Variants in USH2A observed in about 807,000 individuals in gnomAD.
USH2A encodes the protein usherin, also known as Usher syndrome 2A (autosomal recessive, mild).
Under a neutral mutation model 538.9 loss-of-function variants are expected in USH2A, and 443 were observed. The observed-to-expected ratio is 0.82, with a 90% CI of 0.76 to 0.89. USH2A has a LOEUF of 0.89. Ranked by LOEUF, USH2A falls within the 40% of genes least tolerant of loss-of-function variation. The pLI, the probability that USH2A is intolerant of heterozygous loss-of-function variation, is 0.00. For missense variants in USH2A, 6,633 were observed against 6,324.8 expected (o/e 1.05, Z -1.65); for synonymous variants, 2,413 against 2,273.5 (o/e 1.06, Z -1.75).
At chr1:215,825,590 A>G (rs1422857129) in intron 47 of USH2A, among the ~76,000 whole-genome samples, 1 of 152,164 alleles carries the variant, frequency 6.6e-6, no homozygotes, top group Non-Finnish European at 1.5e-5. Flanking sequence ...CATACACTCT[A>G]AGATATTAAC....
In USH2A at chr1:215,813,821, A is replaced by G. The variant is rs2102793137; in HGVS notation, c.9654T>C (p.Ser3218=). The change falls in exon 49 of 72, where the codon TCT becomes TCC. Residue 3218 remains serine, a synonymous_variant. Coordinates refer to ENST00000307340, the MANE Select transcript of USH2A (RefSeq NM_206933.4). Reference sequence around the variant, plus strand: ...TTCGGCCACCACAACAAACTCCAGTAGAATTCAGAACAAACGGGATATACT... The same window carrying G: ...TTCGGCCACCACAACAAACTCCAGTGGAATTCAGAACAAACGGGATATACT... ...EEKYIPFVLN[S]TGVCCGGRIQ... The G allele has an allele frequency of 3.7e-6, 6 of 1,613,972 alleles. No homozygotes were observed. The highest frequency in any genetic ancestry group is 5.1e-6 in the Non-Finnish European group (6 of 1,179,882).
intron 3 of USH2A, among the ~76,000 whole-genome samples, chr1:216,413,412 A>G (rs146409412): frequency 9.9e-5 from 15 of 152,202 alleles, no homozygotes; most frequent in African/African-American, 3.6e-4. Flanking sequence ...ACACCTTTAT[A>G]AAGTGTGCAC....
chr1:216,399,415 AG>A (rs1364404903), intron 3 of USH2A, among the ~76,000 whole-genome samples: 8 of 152,272 alleles, frequency 5.3e-5, no homozygotes, highest in Admixed American at 3.3e-4. Context: ...CAGTGGTATT[AG>A]TGAGACTGTG....
intron 30 of USH2A, among the ~76,000 whole-genome samples, chr1:216,056,388 T>C (rs2030974463): frequency 1.3e-5 from 2 of 152,156 alleles, no homozygotes; most frequent in African/African-American, 2.4e-5. Flanking sequence ...AAGCCTCTGA[T>C]ATTGTTATTC....
chr1:215,942,723 T>C (rs17025676), intron 37 of USH2A, among the ~76,000 whole-genome samples: 4,876 of 152,210 alleles, frequency 0.032, 122 homozygotes, highest in South Asian at 0.084. Flanking sequence ...GATGGTAAAT[T>C]CCTTCTTAGT....
At chr1:216,051,870 T>C (rs1558232635) in intron 30 of USH2A, among the ~76,000 whole-genome samples, 1 of 152,232 alleles carries the variant, frequency 6.6e-6, no homozygotes, top group Non-Finnish European at 1.5e-5. Context: ...AAATTCCTTA[T>C]ACTAAGACAT....
intron 21 of USH2A, among the ~76,000 whole-genome samples, chr1:216,149,889 A>C (rs926236106): frequency 2.6e-5 from 4 of 152,146 alleles, no homozygotes; most frequent in African/African-American, 9.7e-5. Flanking sequence ...CCATTCCAGA[A>C]TAAAGCTGTG....
rs755610101 is a variant in USH2A at position 216,370,137 on chromosome 1, T to C, written c.652-5052A>G. Among the ~76,000 whole-genome samples, 4 of 152,028 alleles carry C rather than the reference T, an allele frequency of 2.6e-5. No individual in the cohort carries two copies. In the Middle Eastern group the frequency reaches 0.01, roughly 388 times the overall value. ...ACTTTGGGAGGCCGAGGTGGGCGGA[T>C]CACTTGAGGTGAAAAGTTCTAGACC... On this transcript the variant is annotated intron_variant, in intron 3 of 71. Transcript: ENST00000307340.
At chr1:215,964,299 C>T (rs1667276261) in intron 37 of USH2A, among the ~76,000 whole-genome samples, 1 of 152,094 alleles carries the variant, frequency 6.6e-6, no homozygotes, top group Non-Finnish European at 1.5e-5. Flanking sequence ...CATGAAAGCC[C>T]TGATTGCATA....
At chr1:215,908,900 T>C (rs1665704690) in intron 38 of USH2A, among the ~76,000 whole-genome samples, 1 of 151,260 alleles carries the variant, frequency 6.6e-6, no homozygotes, top group Non-Finnish European at 1.5e-5. Context: ...GAATTTATAC[T>C]ACCATCACTA....
rs987393719 is a variant in USH2A at position 216,361,447 on chromosome 1, A to G, written c.784+3506T>C. ...GAAGATCTGCTTATCGACAAATACC[A>G]TCAAGAGAATGTGACTGTAAGCCTT... On this transcript the variant is annotated intron_variant, in intron 4 of 71. Transcript: ENST00000307340. Among the ~76,000 whole-genome samples the G allele has an allele frequency of 2.0e-5, 3 of 152,152 alleles. No individual in the cohort carries two copies. The East Asian group carries it at 5.8e-4, about 29-fold the overall frequency.
chr1:215,663,286 C>A (rs1020430720), intron 64 of USH2A, among the ~76,000 whole-genome samples: 1 of 152,190 alleles, frequency 6.6e-6, no homozygotes, highest in Non-Finnish European at 1.5e-5. Context: ...CATGGACCTA[C>A]TAAGTAGCAG....
chr1:216,182,037 G>T (rs888188653), intron 20 of USH2A, among the ~76,000 whole-genome samples: 8 of 152,038 alleles, frequency 5.3e-5, no homozygotes, highest in Non-Finnish European at 5.9e-5. Context: ...AAAAGCTAAA[G>T]ACCTATTTTA....
chr1:216,412,273 A>G lies in USH2A; in HGVS notation c.651+6241T>C, dbSNP rs186503382. Among the ~76,000 whole-genome samples, 254 of 152,202 alleles carry G rather than the reference A, an allele frequency of 1.7e-3. 1 individual carries two copies. Among genetic ancestry groups the G allele is most frequent in the Non-Finnish European group, 2.6e-3 (176 of 67,978 alleles). ...GCCTTGCCTTCTGCTTAAATATTGC[A>G]TTTTAAAATCACATGCAAAAAACGT... On this transcript the variant is annotated intron_variant, in intron 3 of 71. Coordinates refer to ENST00000307340, the MANE Select transcript of USH2A (RefSeq NM_206933.4).
intron 30 of USH2A, among the ~76,000 whole-genome samples, chr1:216,054,928 C>T (rs185186021): frequency 1.4e-3 from 218 of 152,308 alleles, no homozygotes; most frequent in Non-Finnish European, 2.7e-3. Context: ...GTGAAATCTG[C>T]ATGCAGCAAC....
At chr1:215,926,004 C>A (rs1035314968) in intron 38 of USH2A, among the ~76,000 whole-genome samples, 1 of 151,910 alleles carries the variant, frequency 6.6e-6, no homozygotes, top group East Asian at 1.9e-4. Flanking sequence ...GGTGACAGAG[C>A]GAGACTCCGT....
intron 58 of USH2A, among the ~76,000 whole-genome samples, chr1:215,746,045 C>T (rs371421028): frequency 2.0e-5 from 3 of 148,748 alleles, no homozygotes; most frequent in East Asian, 2.0e-4. Flanking sequence ...AACATAGTAC[C>T]GTAGGTCCTC....
chr1:216,060,409 T>A (rs1010181785), intron 30 of USH2A, among the ~76,000 whole-genome samples: 13 of 152,136 alleles, frequency 8.5e-5, no homozygotes, highest in Non-Finnish European at 1.3e-4. Context: ...GGTAAAAAAA[T>A]TAAGTCCATT....
chr1:216,323,964 A>G (rs1007914634), intron 7 of USH2A, among the ~76,000 whole-genome samples: 3 of 152,158 alleles, frequency 2.0e-5, no homozygotes, highest in African/African-American at 7.2e-5. Flanking sequence ...AACATCAGTG[A>G]GATTGAAATA....
Sources: gnomAD v4.1 joint callset for allele counts (sites outside exome capture counted in the v4.1 genomes callset) on GRCh38, gnomAD v4.1.1 for gene constraint, MANE v1.5 for transcripts, NCBI Gene and HGNC (gene_info 2026-07-23, HGNC 2026-07-21) for gene names.